The following ASF1A variants were observed in gnomAD, a reference collection of about 807,000 sequenced individuals.
ASF1A encodes the protein histone chaperone ASF1A.
In ASF1A, 5 loss-of-function variants were observed where a neutral mutation model predicts 22.0. The observed-to-expected ratio is 0.23, with a 90% CI of 0.12 to 0.48. The LOEUF (loss-of-function observed/expected upper bound fraction) is 0.48, where lower values mean the gene tolerates loss of function less well. ASF1A is among the 20% of genes least tolerant of loss of function. ASF1A has a pLI of 0.99. For missense variants in ASF1A, 137 were observed against 240.6 expected, an observed-to-expected ratio of 0.57 and a Z score of 2.85; for synonymous variants, 97 against 86.7, an observed-to-expected ratio of 1.12 and a Z score of -0.66.
chr6:118,907,511 A>G lies in ASF1A; in HGVS notation c.512A>G (p.Gln171Arg), dbSNP rs749980809. 1.3e-5 allele frequency: 21 copies of G among 1,613,508 alleles called. No individual in the cohort carries two copies. The Middle Eastern group carries it at 1.6e-3, about 126-fold the overall frequency. Reference protein sequence around the residue: ...EDAESSNPNLQSLLSTDALPS... With the variant: ...EDAESSNPNLRSLLSTDALPS... ...GCAGAGAGCAGTAATCCAAATCTAC[A>G]GTCACTTCTTTCAACAGATGCATTA... is the stretch of plus-strand genomic sequence containing the variant. The change falls in exon 4 of 4, where the codon CAG becomes CGG. Residue 171 changes from glutamine (Q) to arginine (R), a missense_variant. Gln to Arg is a conservative substitution (Grantham distance 43). This residue lies in a region of ASF1A where 41 missense variants were observed against 43.9 expected (regional missense o/e 0.93). Transcript: ENST00000229595.
At chr6:118,897,342 C>T (rs969121376) in intron 1 of ASF1A, among the ~76,000 whole-genome samples, 3 of 152,008 alleles carry the variant, frequency 2.0e-5, no homozygotes, top group African/African-American at 7.2e-5. Flanking sequence ...TAATATAGGG[C>T]TTATATCAAG....
intron 2 of ASF1A, among the ~76,000 whole-genome samples, chr6:118,904,559 C>T (rs1287566748): frequency 6.6e-6 from 1 of 152,210 alleles, no homozygotes. Flanking sequence ...TTACTACCTG[C>T]ACCCTACCAC....
intron 1 of ASF1A, among the ~76,000 whole-genome samples, chr6:118,896,230 A>G (rs1779401699): frequency 6.6e-6 from 1 of 152,136 alleles, no homozygotes; most frequent in African/African-American, 2.4e-5. Flanking sequence ...TAAGCATTGC[A>G]GCTACCAGGC....
chr6:118,897,193 T>G (rs1442329410), intron 1 of ASF1A, among the ~76,000 whole-genome samples: 4 of 152,170 alleles, frequency 2.6e-5, no homozygotes, highest in African/African-American at 7.2e-5. Context: ...GCCTCAAGTC[T>G]CAAAGCAGAG....
chr6:118,901,614 C>A (rs1378259728), intron 2 of ASF1A, among the ~76,000 whole-genome samples: 1 of 152,102 alleles, frequency 6.6e-6, no homozygotes, highest in Admixed American at 6.6e-5. Flanking sequence ...AGTGTTATTT[C>A]TTTTAATCCA....
At chr6:118,899,927 A>T (rs1018736781) in intron 1 of ASF1A, among the ~76,000 whole-genome samples, 2 of 152,236 alleles carry the variant, frequency 1.3e-5, no homozygotes, top group Admixed American at 6.5e-5. Context: ...TTACAAAGTT[A>T]TCTTCTTCCT....
At chr6:118,901,765 A>G (rs1411458969) in intron 2 of ASF1A, among the ~76,000 whole-genome samples, 1 of 152,220 alleles carries the variant, frequency 6.6e-6, no homozygotes, top group Non-Finnish European at 1.5e-5. Context: ...AAGTATTTCA[A>G]CCCAGCAATG....
intron 2 of ASF1A, among the ~76,000 whole-genome samples, chr6:118,903,425 G>A (rs892268300): frequency 2.6e-5 from 4 of 152,156 alleles, no homozygotes; most frequent in Non-Finnish European, 5.9e-5. Flanking sequence ...AATACTAAGT[G>A]CTCAGAGCTG....
At chr6:118,904,091 C>G (rs1036219956) in intron 2 of ASF1A, among the ~76,000 whole-genome samples, 8 of 135,386 alleles carry the variant, frequency 5.9e-5, no homozygotes, top group Non-Finnish European at 9.3e-5. Flanking sequence ...GTTTTAAAAC[C>G]AAAGAGAAAG....
In ASF1A at chr6:118,907,522, T is replaced by A. The variant is rs1303782093; in HGVS notation, c.523T>A (p.Ser175Thr). 3 of 1,613,552 alleles carry A rather than the reference T, an allele frequency of 1.9e-6. No individual in the cohort carries two copies. The Admixed American group carries it at 5.0e-5, about 27-fold the overall frequency. ...TAATCCAAATCTACAGTCACTTCTT[T>A]CAACAGATGCATTACCTTCAGCATC... ...SSNPNLQSLL[S>T]TDALPSASKG... The change falls in exon 4 of 4, where the codon TCA becomes ACA. Residue 175 changes from serine to threonine, a missense_variant. Physicochemically the swap from Ser to Thr is moderately conservative, Grantham distance 58. This residue lies in a region of ASF1A where 41 missense variants were observed against 43.9 expected (regional missense o/e 0.93). Coordinates refer to ENST00000229595, the MANE Select transcript of ASF1A (RefSeq NM_014034.3).
In ASF1A at chr6:118,907,576, C is replaced by G. The variant is rs935751073; in HGVS notation, c.577C>G (p.Leu193Val). 2 of 1,613,652 alleles carry G rather than the reference C, an allele frequency of 1.2e-6. No homozygotes were observed. Among genetic ancestry groups the G allele is most frequent in the East Asian group, 4.5e-5 (2 of 44,822 alleles). The stretch of plus-strand genomic sequence containing the variant: ...GGGATGGTCCACATCAGAAAACTCA[C>G]TAAATGTCATGTTAGAATCCCACAT... ...SKGWSTSENS[L>V]NVMLESHMDC... The change falls in exon 4 of 4, where the codon CTA (leucine) becomes GTA (valine). Residue 193 changes from leucine (L) to valine (V), a missense_variant. Physicochemically the swap from Leu to Val is conservative, Grantham distance 32. Around this residue, in one of 2 missense-constraint regions of ASF1A, gnomAD observed 41 missense variants for 43.9 expected, o/e 0.93. Transcript: ENST00000229595.
At chr6:118,898,643 C>T (rs1015459954) in intron 1 of ASF1A, among the ~76,000 whole-genome samples, 4 of 152,118 alleles carry the variant, frequency 2.6e-5, no homozygotes, top group Non-Finnish European at 5.9e-5. Flanking sequence ...GTCTCGAACT[C>T]CTGACCTCAA....
chr6:118,900,857 A>G lies in ASF1A; in HGVS notation c.201A>G (p.Ala67=). ...CTGTTTTAGTGGGTCCTGTTCCCGC[A>G]GGAAGGCATATGTTTGTATTTCAGG... The part of the protein sequence containing the change: ...LDSVLVGPVP[A]GRHMFVFQAD... The change falls in exon 2 of 4, where the codon GCA becomes GCG. Residue 67 remains alanine (A), a synonymous_variant. Transcript: ENST00000229595. The G allele has an allele frequency of 6.2e-7, 1 of 1,613,084 alleles. No homozygotes were observed. Among genetic ancestry groups the G allele is most frequent in the Non-Finnish European group, 8.5e-7 (1 of 1,179,044 alleles).
intron 2 of ASF1A, among the ~76,000 whole-genome samples, chr6:118,903,573 T>C (rs962831460): frequency 6.6e-6 from 1 of 152,128 alleles, no homozygotes; most frequent in Non-Finnish European, 1.5e-5. Flanking sequence ...ACAAGAAATA[T>C]CAGCACATAA....
chr6:118,896,620 C>G (rs1779436066), intron 1 of ASF1A, among the ~76,000 whole-genome samples: 1 of 152,082 alleles, frequency 6.6e-6, no homozygotes, highest in African/African-American at 2.4e-5. Context: ...TTCCTAGGCA[C>G]CATTACTGAG....
Position 118,905,709 on chromosome 6 carries a change from G to C in ASF1A, c.283G>C (p.Val95Leu). The change falls in exon 3 of 4, where the codon GTG becomes CTG. Residue 95 changes from valine (V) to leucine (L), a missense_variant. Val to Leu is a conservative substitution (Grantham distance 32, BLOSUM62 1). Coordinates refer to ENST00000229595, the MANE Select transcript of ASF1A (RefSeq NM_014034.3). ...PDADAVGVTV[V>L]LITCTYRGQE... ...TGCAGATGCAGTAGGCGTAACTGTT[G>C]TGCTAATTACTTGTACCTATCGAGG... 3 of 1,613,720 alleles carry C rather than the reference G, an allele frequency of 1.9e-6. No homozygotes were observed. Among genetic ancestry groups the C allele is most frequent in the South Asian group, 2.2e-5 (2 of 91,072 alleles).
At chr6:118,897,942 C>T (rs1779544856) in intron 1 of ASF1A, among the ~76,000 whole-genome samples, 1 of 152,152 alleles carries the variant, frequency 6.6e-6, no homozygotes, top group African/African-American at 2.4e-5. Flanking sequence ...CAAGTGTTCC[C>T]TGAGTTGCAG....
Position 118,899,631 on chromosome 6 carries a change from G to A in ASF1A, c.110-1135G>A, listed in dbSNP as rs117680073. The stretch of plus-strand genomic sequence containing the variant: ...CATAATAGGTCCTCAGAAAATGATT[G>A]CTGACTTAATAAGAGAAAATAAAAA... On this transcript the variant is annotated intron_variant, in intron 1 of 3. Transcript: ENST00000229595. Among the ~76,000 whole-genome samples, 221 of 152,266 alleles carry A rather than the reference G, an allele frequency of 1.5e-3. 2 individuals carry two copies. The Middle Eastern group carries it at 0.017, about 12-fold the overall frequency.
chr6:118,894,311 C>T lies in ASF1A; in HGVS notation c.-103C>T, dbSNP rs945424646. 7.3e-6 allele frequency: 11 copies of T among 1,499,930 alleles called. No individual in the cohort carries two copies. Among genetic ancestry groups the T allele is most frequent in the Admixed American group, 2.2e-5 (1 of 44,648 alleles). 92.9% of individuals were successfully genotyped at this position (1,499,930 alleles called of 1,614,324 possible). ...CAAGTCGCCGCTGCACGACGTCTGGCCGGCGCTGGAGCGGGGGTCTGCGCT... is the reference window on the plus strand; with the variant it reads ...CAAGTCGCCGCTGCACGACGTCTGGTCGGCGCTGGAGCGGGGGTCTGCGCT... On this transcript the variant is annotated 5_prime_UTR_variant, in exon 1 of 4. Coordinates refer to ENST00000229595, the MANE Select transcript of ASF1A (RefSeq NM_014034.3).
Sources: gnomAD v4.1 joint callset for allele counts (sites outside exome capture counted in the v4.1 genomes callset) on GRCh38, gnomAD v4.1.1 for gene constraint, gnomAD v4.1.1 regional missense constraint, MANE v1.5 for transcripts, NCBI Gene and HGNC (gene_info 2026-07-23, HGNC 2026-07-21) for gene names.